AUTS2: variants seen among roughly 807,000 people sequenced by gnomAD.
AUTS2 encodes autism susceptibility gene 2 protein.
AUTS2 carries 17 observed loss-of-function variants against 112.4 expected under a neutral mutation model. That is an observed-to-expected ratio of 0.15 (90% CI 0.10 to 0.23). The LOEUF is 0.23. Among genes scored for constraint, AUTS2 ranks in the 10% least tolerant of loss-of-function variants. The pLI, the probability that AUTS2 is intolerant of heterozygous loss-of-function variation, is 1.00. For missense variants in AUTS2, 1,510 were observed against 1,701.6 expected (o/e 0.89, Z 1.98); for synonymous variants, 751 against 702.7 (o/e 1.07, Z -1.09).
chr7:70,341,421 G>A (rs1344001934), intron 4 of AUTS2, among the ~76,000 whole-genome samples: 2 of 152,182 alleles, frequency 1.3e-5, no homozygotes, highest in African/African-American at 2.4e-5. Flanking sequence ...AATCATGGGC[G>A]GAGCCGCTGT....
chr7:70,488,333 G>GCCA (rs1193208316), intron 5 of AUTS2, among the ~76,000 whole-genome samples: 1 of 152,172 alleles, frequency 6.6e-6, no homozygotes, highest in Non-Finnish European at 1.5e-5. Context: ...CCTGGAGAGT[G>GCCA]CGCCAGGTGC....
chr7:70,369,092 T>C (rs1189699764), intron 4 of AUTS2, among the ~76,000 whole-genome samples: 1 of 152,138 alleles, frequency 6.6e-6, no homozygotes, highest in Non-Finnish European at 1.5e-5. Flanking sequence ...CGATTTCTAC[T>C]GTAACAGCAC....
rs146902389 is a variant in AUTS2 at position 70,791,339 on chromosome 7, A to G, written c.*343A>G. The stretch of plus-strand genomic sequence containing the variant: ...TGGGGGGGAGAAGTCCACGCCATCC[A>G]TCATGCAAAATTCTTTCAGATGAGG... On this transcript the variant is annotated 3_prime_UTR_variant, in exon 19 of 19. Transcript: ENST00000342771. 7.9e-3 allele frequency: 1,591 copies of G among 200,556 alleles called. 10 individuals are homozygous for G. Among genetic ancestry groups the G allele is most frequent in the South Asian group, 0.028 (146 of 5,298 alleles). The allele number at this position is 200,556 out of a possible 1,614,324, so 12.4% of individuals were successfully genotyped here.
At chr7:69,950,405 T>C (rs1375845225) in intron 2 of AUTS2, among the ~76,000 whole-genome samples, 1 of 152,152 alleles carries the variant, frequency 6.6e-6, no homozygotes, top group Non-Finnish European at 1.5e-5. Flanking sequence ...AGGTATGTGA[T>C]TTTGGGCAAG....
At chr7:70,754,080 GA>G (rs1392848157) in intron 6 of AUTS2, among the ~76,000 whole-genome samples, 22 of 152,292 alleles carry the variant, frequency 1.4e-4, no homozygotes, top group African/African-American at 5.1e-4. Flanking sequence ...AGAATGGCGT[GA>G]ACCCAGGAAG....
At chr7:70,787,013 A>T (rs1791543439) in intron 17 of AUTS2, 196 bp from the exon 18 acceptor site, 2 of 672,682 alleles carry the variant, frequency 3.0e-6, no homozygotes, top group East Asian at 5.4e-5. Flanking sequence ...GAAAAAAAAA[A>T]GCTGTGAGCT....
At chr7:69,829,372 CA>C (rs1414732560) in intron 1 of AUTS2, among the ~76,000 whole-genome samples, 3 of 152,182 alleles carry the variant, frequency 2.0e-5, no homozygotes, top group African/African-American at 7.2e-5. Context: ...GCAATTGCAA[CA>C]AAAGCTAAAA....
chr7:70,317,809 G>A (rs955178100), intron 4 of AUTS2, among the ~76,000 whole-genome samples: 5 of 152,166 alleles, frequency 3.3e-5, no homozygotes, highest in Non-Finnish European at 7.3e-5. Context: ...ATTTGCGGAC[G>A]TGTCTCCGTT....
chr7:70,465,789 C>T (rs1045730753), intron 5 of AUTS2, among the ~76,000 whole-genome samples: 1 of 152,168 alleles, frequency 6.6e-6, no homozygotes, highest in African/African-American at 2.4e-5. Context: ...CCTGAGTAAT[C>T]GTTCTGGTCT....
intron 2 of AUTS2, among the ~76,000 whole-genome samples, chr7:70,095,691 A>C (rs1167028098): frequency 6.6e-6 from 1 of 152,186 alleles, no homozygotes; most frequent in African/African-American, 2.4e-5. Flanking sequence ...TATACACTTA[A>C]AATTTTTATA....
chr7:70,594,170 C>T (rs1050723591), intron 5 of AUTS2, among the ~76,000 whole-genome samples: 3 of 152,112 alleles, frequency 2.0e-5, no homozygotes, highest in Admixed American at 1.3e-4. Context: ...AGGGGAGGGG[C>T]GGCACTTTTT....
chr7:70,511,790 G>A (rs1799207576), intron 5 of AUTS2, among the ~76,000 whole-genome samples: 1 of 151,608 alleles, frequency 6.6e-6, no homozygotes, highest in South Asian at 2.1e-4. Context: ...TGGCCAGGCT[G>A]GTCTTGAACT....
chr7:70,133,931 A>G (rs1351785353), intron 3 of AUTS2, among the ~76,000 whole-genome samples: 2 of 152,158 alleles, frequency 1.3e-5, no homozygotes, highest in Non-Finnish European at 2.9e-5. Flanking sequence ...GGTGCTTTTC[A>G]CTGCTCCTCT....
At chr7:70,225,018 T>C (rs1811689934) in intron 4 of AUTS2, among the ~76,000 whole-genome samples, 1 of 152,214 alleles carries the variant, frequency 6.6e-6, no homozygotes, top group Admixed American at 6.5e-5. Flanking sequence ...CAGAACATAT[T>C]CCCATCGTTA....
intron 5 of AUTS2, among the ~76,000 whole-genome samples, chr7:70,597,956 A>C (rs1316358953): frequency 6.6e-6 from 1 of 152,210 alleles, no homozygotes; most frequent in East Asian, 1.9e-4. Context: ...TTCAGGGAGC[A>C]CCATTATAGT....
chr7:70,647,779 G>A (rs1323820402), intron 5 of AUTS2, among the ~76,000 whole-genome samples: 1 of 152,208 alleles, frequency 6.6e-6, no homozygotes, highest in Non-Finnish European at 1.5e-5. Flanking sequence ...GAGGCAGGTG[G>A]CATACGTGGT....
intron 5 of AUTS2, among the ~76,000 whole-genome samples, chr7:70,589,286 A>G (rs1802828174): frequency 6.6e-6 from 1 of 152,220 alleles, no homozygotes; most frequent in African/African-American, 2.4e-5. Flanking sequence ...GGAACAAACG[A>G]GAGCCCTCCC....
intron 4 of AUTS2, among the ~76,000 whole-genome samples, chr7:70,155,064 T>G (rs1382054555): frequency 6.6e-6 from 1 of 152,150 alleles, no homozygotes; most frequent in Non-Finnish European, 1.5e-5. Flanking sequence ...GATGTTTCAT[T>G]ATAGGAATGG....
intron 4 of AUTS2, among the ~76,000 whole-genome samples, chr7:70,286,312 A>G (rs1186530421): frequency 6.6e-6 from 1 of 152,246 alleles, no homozygotes; most frequent in Non-Finnish European, 1.5e-5. Flanking sequence ...GTGGAAGAGT[A>G]TCAGTAAAAC....
Sources: gnomAD v4.1 joint callset for allele counts (sites outside exome capture counted in the v4.1 genomes callset) on GRCh38, gnomAD v4.1.1 for gene constraint, MANE v1.5 for transcripts, NCBI Gene and HGNC (gene_info 2026-07-23, HGNC 2026-07-21) for gene names.